Variants in BANK1 observed in about 807,000 individuals in gnomAD.
The protein encoded by BANK1 is B cell scaffold protein with ankyrin repeats 1, also known as B-cell scaffold protein with ankyrin repeats.
In BANK1, 95 loss-of-function variants were observed where a neutral mutation model predicts 94.5. The ratio of observed to expected loss-of-function variants is 1.00; its 90% CI spans 0.85 to 1.19. The LOEUF (loss-of-function observed/expected upper bound fraction) is 1.19, where lower values mean the gene tolerates loss of function less well. Among genes scored for constraint, BANK1 ranks in the 50% most tolerant of loss-of-function variants. The pLI, the probability that BANK1 is intolerant of heterozygous loss-of-function variation, is 0.00. For synonymous variants in BANK1, 334 were observed against 308.4 expected (o/e 1.08, Z -0.87); for missense variants, 987 against 932.2 (o/e 1.06, Z -0.77).
intron 1 of BANK1, among the ~76,000 whole-genome samples, chr4:101,805,542 C>A (rs902663537): frequency 4.0e-5 from 6 of 151,568 alleles, no homozygotes; most frequent in Non-Finnish European, 7.4e-5. Context: ...CTGAATGCCA[C>A]ATGAACAGCC....
intron 1 of BANK1, among the ~76,000 whole-genome samples, chr4:101,800,279 A>C (rs899491581): frequency 1.3e-5 from 2 of 151,780 alleles, no homozygotes; most frequent in African/African-American, 4.8e-5. Flanking sequence ...TTGAAGTATA[A>C]TTTAAAAAAA....
chr4:101,960,214 G>A (rs1022736572), intron 7 of BANK1, among the ~76,000 whole-genome samples: 2 of 152,134 alleles, frequency 1.3e-5, no homozygotes, highest in Non-Finnish European at 2.9e-5. Context: ...ACCCCTGGGT[G>A]CACAGCACTA....
At chr4:101,940,935 A>G (rs1313773985) in intron 7 of BANK1, among the ~76,000 whole-genome samples, 1 of 151,650 alleles carries the variant, frequency 6.6e-6, no homozygotes, top group Non-Finnish European at 1.5e-5. Context: ...ATCCACACTT[A>G]GGGAGTGGGG....
intron 7 of BANK1, among the ~76,000 whole-genome samples, chr4:102,019,343 G>A (rs1243935112): frequency 6.6e-6 from 1 of 152,196 alleles, no homozygotes; most frequent in Non-Finnish European, 1.5e-5. Context: ...TTAAAAGTAG[G>A]CGTATAGCTT....
chr4:101,832,208 T>C (rs1254444097), intron 2 of BANK1, among the ~76,000 whole-genome samples: 5 of 152,250 alleles, frequency 3.3e-5, no homozygotes, highest in African/African-American at 1.2e-4. Context: ...TTTGCCTAGC[T>C]GACTAAAGGA....
In BANK1 at chr4:102,014,027, A is replaced by G. The variant is rs571956868; in HGVS notation, c.1207-7487A>G. 4.4e-3 allele frequency among the ~76,000 whole-genome samples: 676 copies of G among 152,210 alleles called. 6 individuals carry two copies. Among genetic ancestry groups the G allele is most frequent in the Non-Finnish European group, 6.6e-3 (447 of 67,966 alleles). ...CATCCAGAGAGGCCAAGAGAGAAGG[A>G]TGTCCTTCAGTTCATGTAATTAATA... On this transcript the variant is annotated intron_variant, in intron 7 of 16. Transcript: ENST00000322953.
chr4:102,002,564 C>T (rs866265057), intron 7 of BANK1, among the ~76,000 whole-genome samples: 4,155 of 150,364 alleles, frequency 0.028, 191 homozygotes, highest in African/African-American at 0.092. Context: ...CACACACACA[C>T]ACACACACAC....
At chr4:101,915,386 AT>A (rs1263389032) in intron 6 of BANK1, among the ~76,000 whole-genome samples, 2 of 152,154 alleles carry the variant, frequency 1.3e-5, no homozygotes, top group Non-Finnish European at 1.5e-5. Flanking sequence ...AAGTTTTAGA[AT>A]TTTGGTATTT....
intron 11 of BANK1, among the ~76,000 whole-genome samples, chr4:102,059,800 T>G (rs1262932261): frequency 1.3e-5 from 2 of 152,222 alleles, no homozygotes; most frequent in African/African-American, 4.8e-5. Context: ...ATAGAAAGAC[T>G]GTTTATTCTA....
chr4:101,820,614 C>T (rs1425541431), intron 1 of BANK1, among the ~76,000 whole-genome samples: 1 of 152,162 alleles, frequency 6.6e-6, no homozygotes, highest in Non-Finnish European at 1.5e-5. Context: ...TTCTGCTCCT[C>T]TCCCTCCTCC....
chr4:102,004,486 T>C (rs1231216719), intron 7 of BANK1, among the ~76,000 whole-genome samples: 1 of 152,190 alleles, frequency 6.6e-6, no homozygotes, highest in East Asian at 1.9e-4. Flanking sequence ...ATTTTATTTA[T>C]TTTTTCATCG....
chr4:101,941,237 C>A (rs1013500947), intron 7 of BANK1, among the ~76,000 whole-genome samples: 62 of 151,634 alleles, frequency 4.1e-4, no homozygotes, highest in African/African-American at 1.5e-3. Context: ...TTGGATAATT[C>A]TTTACTTTTC....
intron 7 of BANK1, among the ~76,000 whole-genome samples, chr4:101,926,104 G>A (rs1409656882): frequency 1.3e-5 from 2 of 151,652 alleles, no homozygotes; most frequent in Non-Finnish European, 3.0e-5. Context: ...AGATAGGAAA[G>A]GGTATTTAAT....
chr4:102,016,452 A>G (rs1383276324), intron 7 of BANK1, among the ~76,000 whole-genome samples: 1 of 152,186 alleles, frequency 6.6e-6, no homozygotes, highest in Admixed American at 6.5e-5. Context: ...GAAAAATCAA[A>G]TCTGAAGCAA....
intron 7 of BANK1, among the ~76,000 whole-genome samples, chr4:101,956,398 G>A (rs1460292252): frequency 1.3e-5 from 2 of 152,224 alleles, no homozygotes; most frequent in East Asian, 3.9e-4. Flanking sequence ...ACCCCATTTT[G>A]TGTTTTGTTT....
intron 5 of BANK1, among the ~76,000 whole-genome samples, chr4:101,888,365 A>G (rs750913583): frequency 7.2e-5 from 11 of 152,222 alleles, no homozygotes; most frequent in Non-Finnish European, 1.6e-4. Context: ...AAGAATAGAT[A>G]TGGTTGGCTG....
At chr4:101,970,207 G>A (rs1724906408) in intron 7 of BANK1, among the ~76,000 whole-genome samples, 1 of 152,112 alleles carries the variant, frequency 6.6e-6, no homozygotes, top group South Asian at 2.1e-4. Context: ...CTGTTGTGAA[G>A]ATTCGAGGCG....
intron 11 of BANK1, among the ~76,000 whole-genome samples, chr4:102,045,523 G>A (rs1460610920): frequency 6.6e-6 from 1 of 152,130 alleles, no homozygotes; most frequent in African/African-American, 2.4e-5. Context: ...CAGACGACAT[G>A]ATTGTATATC....
intron 7 of BANK1, among the ~76,000 whole-genome samples, chr4:101,973,434 A>G (rs1203384862): frequency 1.3e-5 from 2 of 152,208 alleles, no homozygotes; most frequent in African/African-American, 2.4e-5. Flanking sequence ...CATACAGTCA[A>G]TATGTTGCAT....
Sources: allele counts gnomAD v4.1 joint callset (sites outside exome capture counted in the v4.1 genomes callset), GRCh38; gene constraint gnomAD v4.1.1; transcripts MANE v1.5; gene names NCBI Gene and HGNC (gene_info 2026-07-23, HGNC 2026-07-21).